Variants in CLEC17A observed in about 807,000 individuals in gnomAD.
CLEC17A encodes C-type lectin domain containing 17A.
In CLEC17A, 37 loss-of-function variants were observed where a neutral mutation model predicts 61.3. The ratio of observed to expected loss-of-function variants is 0.60; its 90% CI spans 0.46 to 0.79. CLEC17A has a LOEUF of 0.79. Among genes scored for constraint, CLEC17A ranks in the 30% least tolerant of loss-of-function variants. The pLI is 0.00. For missense variants in CLEC17A, 418 were observed against 464.7 expected (o/e 0.90, Z 0.92); for synonymous variants, 168 against 164.9 (o/e 1.02, Z -0.14).
intron 2 of CLEC17A, among the ~76,000 whole-genome samples, chr19:14,586,891 CTTT>C (rs1056065617): frequency 8.2e-6 from 1 of 121,716 alleles, no homozygotes. Flanking sequence ...TTCTTTCTTT[CTTT>C]TTTTTTTTTT....
intron 12 of CLEC17A, among the ~76,000 whole-genome samples, chr19:14,605,020 A>G (rs1032550783): frequency 6.6e-6 from 1 of 152,006 alleles, no homozygotes; most frequent in Admixed American, 6.6e-5. Context: ...TAGCTAACTG[A>G]GATCACCTGG....
rs1209215315 is a variant in CLEC17A at position 14,608,673 on chromosome 19, GCCC to G, written c.1005-1390_1005-1388del. Among the ~76,000 whole-genome samples the G allele has an allele frequency of 3.8e-3, 475 of 123,716 alleles. 5 individuals carry two copies. Among genetic ancestry groups the G allele is most frequent in the Middle Eastern group, 0.011 (2 of 178 alleles). The allele number at this position is 123,716 out of a possible 152,430, so 81.2% of individuals were successfully genotyped here. A position where few individuals can be genotyped will look rare whatever the true frequency, so the allele number is the denominator to read the frequency against. ...TTTTGAGACAGAGTCTCACTCTGTTGCCCAGGCTGAAGTGCAGTGGTGCAGTCT... is the reference window on the plus strand; with the variant it reads ...TTTTGAGACAGAGTCTCACTCTGTTGAGGCTGAAGTGCAGTGGTGCAGTCT... On this transcript the variant is annotated intron_variant, in intron 13 of 13. Coordinates refer to ENST00000417570, the MANE Select transcript of CLEC17A (RefSeq NM_001204118.2).
chr19:14,594,846 G>C, intron 7 of CLEC17A, 46 bp downstream of exon 7: 1 of 1,547,392 alleles, frequency 6.5e-7, no homozygotes, highest in Non-Finnish European at 8.9e-7. Context: ...GGGGATACCT[G>C]GATGTTTCCT....
At chr19:14,588,420 T>A (rs2074339864) in intron 3 of CLEC17A, 1 of 152,026 alleles carries the variant, frequency 6.6e-6, no homozygotes, top group Non-Finnish European at 1.5e-5. Context: ...GGAGGATCGC[T>A]TGAGCCCAGG....
At chr19:14,587,300 T>C (rs1017647786) in intron 2 of CLEC17A, among the ~76,000 whole-genome samples, 5 of 151,158 alleles carry the variant, frequency 3.3e-5, no homozygotes, top group African/African-American at 9.8e-5. Flanking sequence ...CCCCCCAAGA[T>C]GGATTTGCCT....
chr19:14,600,626 G>A (rs2074681229), intron 12 of CLEC17A, among the ~76,000 whole-genome samples: 1 of 151,144 alleles, frequency 6.6e-6, no homozygotes, highest in Admixed American at 6.6e-5. Context: ...CTTTCACCCA[G>A]GCTGGAGTGC....
intron 2 of CLEC17A, among the ~76,000 whole-genome samples, chr19:14,585,173 T>A (rs578115455): frequency 2.0e-4 from 30 of 152,232 alleles, no homozygotes; most frequent in South Asian, 6.2e-4. Flanking sequence ...CCAGAGAATT[T>A]AAAAAAAATA....
chr19:14,605,832 G>C (rs2074851423), intron 12 of CLEC17A, among the ~76,000 whole-genome samples: 2 of 152,088 alleles, frequency 1.3e-5, no homozygotes, highest in African/African-American at 4.8e-5. Flanking sequence ...TTGAACTCCT[G>C]GGCTTAAGGG....
chr19:14,587,233 ATGTGTGTGTGTG>A (rs3049160), intron 2 of CLEC17A, among the ~76,000 whole-genome samples: 12 of 145,406 alleles, frequency 8.3e-5, no homozygotes, highest in South Asian at 4.4e-4. Flanking sequence ...CCAGAGAAAG[ATGTGTGTGTGTG>A]TGTGTGTGTG....
chr19:14,589,403 A>G (rs1913588614), intron 3 of CLEC17A, among the ~76,000 whole-genome samples: 1 of 136,208 alleles, frequency 7.3e-6, no homozygotes, highest in Non-Finnish European at 1.5e-5. Context: ...TTGTCTGCTC[A>G]TTAGTTTTTA....
chr19:14,585,022 C>G (rs532084997), intron 2 of CLEC17A, among the ~76,000 whole-genome samples: 4 of 152,326 alleles, frequency 2.6e-5, no homozygotes, highest in African/African-American at 4.8e-5. Flanking sequence ...ATCTTCATCC[C>G]CATCCTGAAA....
intron 13 of CLEC17A, among the ~76,000 whole-genome samples, 200 bp from the exon 14 acceptor site, chr19:14,609,864 A>G (rs1328589651): frequency 1.4e-5 from 2 of 141,316 alleles, no homozygotes; most frequent in African/African-American, 2.7e-5. Flanking sequence ...AAAACAAAAA[A>G]CCCCCCAAAA....
At chr19:14,592,700 C>CT (rs1453045174) in intron 4 of CLEC17A, among the ~76,000 whole-genome samples, 4 of 152,012 alleles carry the variant, frequency 2.6e-5, no homozygotes, top group African/African-American at 9.7e-5. Context: ...GAATTTCACT[C>CT]TGTCACCCAG....
chr19:14,595,225 C>G (rs2074514883), intron 7 of CLEC17A, 49 bp from the exon 8 acceptor site: 1 of 1,604,838 alleles, frequency 6.2e-7, no homozygotes, highest in Non-Finnish European at 8.5e-7. Context: ...TCTTGGAAGA[C>G]AGAGTCTTTG....
At chr19:14,600,364 T>C (rs976641615) in intron 12 of CLEC17A, among the ~76,000 whole-genome samples, 182 bp downstream of exon 12, 1 of 152,228 alleles carries the variant, frequency 6.6e-6, no homozygotes, top group Non-Finnish European at 1.5e-5. Context: ...CATGCTTTGT[T>C]TTTGAGTTCA....
At chr19:14,607,863 A>C (rs1393833960) in intron 13 of CLEC17A, among the ~76,000 whole-genome samples, 2 of 151,498 alleles carry the variant, frequency 1.3e-5, no homozygotes, top group Non-Finnish European at 1.5e-5. Context: ...GGGGTGAGCC[A>C]CTGCGCCCAA....
intron 3 of CLEC17A, among the ~76,000 whole-genome samples, chr19:14,591,455 T>G (rs2074415464): frequency 1.4e-5 from 2 of 139,204 alleles, no homozygotes; most frequent in Admixed American, 7.0e-5. Context: ...CGCCTGGCCC[T>G]TTTTTTTGAG....
At position 14,600,089 on chromosome 19, in the gene CLEC17A, C is replaced by T; in HGVS notation, c.801C>T (p.Tyr267=). 1 of 1,614,040 alleles carries T rather than the reference C, an allele frequency of 6.2e-7. No individual in the cohort carries two copies. The highest frequency in any genetic ancestry group is 8.5e-7 in the Non-Finnish European group (1 of 1,179,898). The change falls in exon 12 of 14, where the codon TAC becomes TAT. Residue 267 remains tyrosine, a synonymous_variant. Transcript: ENST00000417570. ...GWLPFEGKCY[Y]FSPSTKSWDE... is the part of the protein sequence containing the mutation. ...TGCCCTTTGAGGGCAAGTGTTACTA[C>T]TTCTCCCCAAGCACCAAGTCATGGG...
rs770848670 is a variant in CLEC17A, at chr19:14,599,771, C to G, written c.701C>G (p.Ala234Gly). The G allele has an allele frequency of 3.1e-6, 5 of 1,613,938 alleles. No homozygotes were observed. The South Asian group carries it at 5.5e-5, about 18-fold the overall frequency. The part of the protein sequence containing the change: ...GLKHDIARVR[A>G]DTNQSLVELW... ...AAGCATGACATTGCCCGTGTAAGAG[C>G]TGACACCAACCAGTCCCTGGTGGAA... The change falls in exon 11 of 14, where the codon GCT (alanine) becomes GGT (glycine). Residue 234 changes from alanine to glycine, a missense_variant. Physicochemically the swap from Ala to Gly is moderately conservative, Grantham distance 60. Coordinates refer to ENST00000417570, the MANE Select transcript of CLEC17A (RefSeq NM_001204118.2).
Sources: allele counts gnomAD v4.1 joint callset (sites outside exome capture counted in the v4.1 genomes callset), GRCh38; gene constraint gnomAD v4.1.1; transcripts MANE v1.5; gene names NCBI Gene and HGNC (gene_info 2026-07-23, HGNC 2026-07-21).